SLC30A9: variants seen among roughly 807,000 people sequenced by gnomAD.
SLC30A9 encodes proton-coupled zinc antiporter SLC30A9, mitochondrial.
SLC30A9 carries 58 observed loss-of-function variants against 87.5 expected under a neutral mutation model. The ratio of observed to expected loss-of-function variants is 0.66; its 90% confidence interval spans 0.54 to 0.82. SLC30A9 has a LOEUF of 0.82. SLC30A9 is among the 40% of genes least tolerant of loss of function. The pLI is 0.00. For synonymous variants in SLC30A9, 234 were observed against 233.0 expected (o/e 1.00, Z -0.04); for missense variants, 557 against 679.1 (o/e 0.82, Z 2.00).
chr4:42,016,940 T>C (rs1436446368), intron 2 of SLC30A9, among the ~76,000 whole-genome samples: 1 of 152,314 alleles, frequency 6.6e-6, no homozygotes, highest in East Asian at 1.9e-4. Context: ...CAAGAGTTTC[T>C]TGAAGCCAAA....
intron 9 of SLC30A9, 25 bp downstream of exon 9, chr4:42,049,504 A>G: frequency 7.8e-7 from 1 of 1,286,112 alleles, no homozygotes; most frequent in Non-Finnish European, 1.1e-6. Context: ...TTTTTTTATA[A>G]GTCAATTTTA....
intron 8 of SLC30A9, among the ~76,000 whole-genome samples, chr4:42,040,648 T>A (rs1716883034): frequency 6.6e-6 from 1 of 151,802 alleles, no homozygotes; most frequent in African/African-American, 2.4e-5. Flanking sequence ...ATACAAAAAT[T>A]AGCTGGGCGT....
chr4:42,055,982 G>A (rs1717593975), intron 9 of SLC30A9, among the ~76,000 whole-genome samples: 1 of 152,134 alleles, frequency 6.6e-6, no homozygotes, highest in African/African-American at 2.4e-5. Context: ...AGAGATTTAT[G>A]TTGTAAATGT....
chr4:42,062,934 T>C (rs1186511722), intron 10 of SLC30A9, 52 bp from the exon 11 acceptor site: 1 of 1,522,010 alleles, frequency 6.6e-7, no homozygotes, highest in Non-Finnish European at 9.1e-7. Context: ...ACATATATTT[T>C]AAAAGAAACC....
rs1419060434 is a variant in SLC30A9, at chr4:42,075,909, A to G, written c.1548+123A>G. ...TTAGCTCTCAACTTCTTAGGTTCCA[A>G]AATTTAACAGAGACCTTTATATTTA... On this transcript the variant is annotated intron_variant, in intron 16 of 17. Transcript: ENST00000264451. 35 of 865,488 alleles carry G rather than the reference A, an allele frequency of 4.0e-5. No individual in the cohort carries two copies. The South Asian group carries it at 6.1e-4, about 15-fold the overall frequency. 53.6% of individuals were successfully genotyped at this position (865,488 alleles called of 1,614,324 possible). A position where few individuals can be genotyped will look rare whatever the true frequency, so the allele number is the denominator to read the frequency against.
At chr4:42,047,315 T>G (rs766845754) in intron 8 of SLC30A9, among the ~76,000 whole-genome samples, 2 of 152,128 alleles carry the variant, frequency 1.3e-5, no homozygotes, top group Non-Finnish European at 2.9e-5. Context: ...GGGAGAAAAT[T>G]TTTGCAATCT....
intron 4 of SLC30A9, 37 bp from the exon 5 acceptor site, chr4:42,022,797 TGCAC>T (rs1716028027): frequency 1.5e-5 from 18 of 1,173,602 alleles, no homozygotes; most frequent in Non-Finnish European, 2.5e-6. Flanking sequence ...ATAAACTATA[TGCAC>T]TTTGTCTGAA....
At chr4:42,009,809 A>G (rs1715364320) in intron 2 of SLC30A9, among the ~76,000 whole-genome samples, 1 of 152,232 alleles carries the variant, frequency 6.6e-6, no homozygotes, top group Non-Finnish European at 1.5e-5. Flanking sequence ...TGAGCATTGT[A>G]GAAACTAGGG....
chr4:41,999,060 C>T (rs915558392), intron 1 of SLC30A9, among the ~76,000 whole-genome samples: 2 of 152,046 alleles, frequency 1.3e-5, no homozygotes, highest in Non-Finnish European at 2.9e-5. Context: ...TTTTAAGAGG[C>T]CTCTACTGGC....
chr4:42,030,628 A>G (rs1239799738), intron 6 of SLC30A9, among the ~76,000 whole-genome samples: 9 of 151,438 alleles, frequency 5.9e-5, no homozygotes, highest in Admixed American at 2.0e-4. Flanking sequence ...TGGCCCATCA[A>G]TGAGCATCTT....
chr4:42,028,204 G>A (rs572605730), intron 6 of SLC30A9, among the ~76,000 whole-genome samples: 7 of 152,226 alleles, frequency 4.6e-5, no homozygotes, highest in South Asian at 2.1e-4. Flanking sequence ...TGCAACCTCC[G>A]CCTCCTGGGT....
intron 6 of SLC30A9, among the ~76,000 whole-genome samples, chr4:42,032,792 C>T (rs748417095): frequency 3.7e-4 from 57 of 152,208 alleles, no homozygotes; most frequent in Non-Finnish European, 6.3e-4. Context: ...TCATGGCGTC[C>T]TTACTTTCAG....
intron 6 of SLC30A9, among the ~76,000 whole-genome samples, chr4:42,028,492 T>A (rs1716284643): frequency 6.6e-6 from 1 of 152,274 alleles, no homozygotes; most frequent in African/African-American, 2.4e-5. Context: ...CTAAGATGTC[T>A]TATATAGATG....
chr4:42,062,877 A>T, intron 10 of SLC30A9, 109 bp from the exon 11 acceptor site: 1 of 924,886 alleles, frequency 1.1e-6, no homozygotes, highest in South Asian at 2.2e-5. Context: ...TAAATATAAA[A>T]TTATAACATC....
intron 2 of SLC30A9, among the ~76,000 whole-genome samples, chr4:42,005,239 T>C (rs1195216001): frequency 1.3e-5 from 2 of 152,222 alleles, no homozygotes; most frequent in Non-Finnish European, 2.9e-5. Context: ...TTATCTGGAC[T>C]GAAAATGACT....
At chr4:42,019,436 G>T (rs547978516) in intron 3 of SLC30A9, among the ~76,000 whole-genome samples, 6 of 152,228 alleles carry the variant, frequency 3.9e-5, no homozygotes, top group Non-Finnish European at 8.8e-5. Flanking sequence ...TTTATGAGCA[G>T]TTTGATACTT....
At chr4:42,010,352 T>C (rs1412068184) in intron 2 of SLC30A9, among the ~76,000 whole-genome samples, 1 of 152,034 alleles carries the variant, frequency 6.6e-6, no homozygotes, top group African/African-American at 2.4e-5. Context: ...TGGCATGTGC[T>C]TGTAGTCCCA....
At chr4:42,078,712 C>G (rs1393132266) in intron 17 of SLC30A9, 1 of 153,178 alleles carries the variant, frequency 6.5e-6, no homozygotes, top group African/African-American at 2.4e-5. Context: ...TTGCTTTTAG[C>G]CCATTTGAAA....
rs756563158 is a variant in SLC30A9, at chr4:42,078,233, C to G, written c.1570C>G (p.Pro524Ala). The change falls in exon 17 of 18, where the codon CCT becomes GCT. Residue 524 changes from proline to alanine, a missense_variant. By Grantham distance (27) the Pro-to-Ala change is conservative (BLOSUM62 -1). Transcript: ENST00000264451. ...ATAGGAAATTCAAGAAGTGAAAACT[C>G]CTGAAGAACTAGAGACCTTTATGCT... ...MLQEIQEVKT[P>A]EELETFMLKH... is the part of the protein sequence containing the mutation. 6.5e-7 allele frequency: 1 copy of G among 1,540,514 alleles called. No individual in the cohort carries two copies. The highest frequency in any genetic ancestry group is 8.8e-7 in the Non-Finnish European group (1 of 1,136,572).
Sources: gnomAD v4.1 joint callset for allele counts (sites outside exome capture counted in the v4.1 genomes callset) on GRCh38, gnomAD v4.1.1 for gene constraint, MANE v1.5 for transcripts, NCBI Gene and HGNC (gene_info 2026-07-23, HGNC 2026-07-21) for gene names.